The following FZD3 variants were observed in gnomAD, a reference collection of about 807,000 sequenced individuals.
FZD3 encodes frizzled class receptor 3.
Under a neutral mutation model 60.7 loss-of-function variants are expected in FZD3, and 30 were observed. That is an observed-to-expected ratio of 0.49 (90% CI 0.37 to 0.67). The LOEUF (loss-of-function observed/expected upper bound fraction) is 0.67. Among genes scored for constraint, FZD3 ranks in the 30% least tolerant of loss-of-function variants. The pLI is 0.00. For missense variants in FZD3, 605 were observed against 838.7 expected (o/e 0.72, Z 3.44); for synonymous variants, 246 against 275.2 (o/e 0.89, Z 1.05).
rs386412443 is a variant in FZD3, at chr8:28,550,481, C to CTTTTTTTT, written c.1405-1104_1405-1097dup. On this transcript the variant is annotated intron_variant, in intron 5 of 7. Transcript: ENST00000240093. Reference sequence around the variant, plus strand: ...ACAAATACTTTATTTCTTCTTTTATCTTTTTTTTTTTTTTTTTTTTTTTTT... The same window carrying CTTTTTTTT: ...ACAAATACTTTATTTCTTCTTTTATCTTTTTTTTTTTTTTTTTTTTTTTTTTTTTTTTT... Among the ~76,000 whole-genome samples, 121 of 34,308 alleles carry CTTTTTTTT rather than the reference C, an allele frequency of 3.5e-3. 1 individual carries two copies. The highest frequency in any genetic ancestry group is 3.7e-3 in the African/African-American group (28 of 7,524). 22.5% of individuals were successfully genotyped at this position (34,308 alleles called of 152,430 possible). A position where few individuals can be genotyped will look rare whatever the true frequency, so the allele number is the denominator to read the frequency against.
Position 28,555,883 on chromosome 8 carries a change from A to C in FZD3, c.1699A>C (p.Met567Leu). Residue 567 changes from methionine to leucine, a missense_variant, in exon 7 of 8, where the codon ATG (methionine) becomes CTG (leucine). Physicochemically the swap from Met to Leu is conservative, Grantham distance 15. Transcript: ENST00000240093. ...STHASSTQLA[M>L]VDDQRSKAGS... ...CCATGCTTCTTCAACTCAGCTGGCT[A>C]TGGTGGATGATCAAAGAAGCAAAGC... 1 of 1,614,074 alleles carries C rather than the reference A, an allele frequency of 6.2e-7. No individual in the cohort carries two copies. The highest frequency in any genetic ancestry group is 8.5e-7 in the Non-Finnish European group (1 of 1,179,906).
At chr8:28,543,860 G>A (rs566753878) in intron 5 of FZD3, among the ~76,000 whole-genome samples, 10 of 152,154 alleles carry the variant, frequency 6.6e-5, no homozygotes, top group African/African-American at 2.4e-4. Context: ...CAGCTTAATA[G>A]GCTCATAGGC....
At chr8:28,519,301 A>T (rs1235054849) in intron 3 of FZD3, among the ~76,000 whole-genome samples, 1 of 152,104 alleles carries the variant, frequency 6.6e-6, no homozygotes, top group African/African-American at 2.4e-5. Flanking sequence ...TCCTTGGGAT[A>T]TTTTATCTAT....
chr8:28,520,915 T>C, intron 4 of FZD3, 81 bp downstream of exon 4: 1 of 1,004,430 alleles, frequency 1.0e-6, no homozygotes, highest in Non-Finnish European at 1.4e-6. Context: ...TCCATCTGTT[T>C]TAAAAAACTT....
chr8:28,503,875 C>T (rs1386053496), intron 3 of FZD3, among the ~76,000 whole-genome samples: 1 of 152,130 alleles, frequency 6.6e-6, no homozygotes, highest in African/African-American at 2.4e-5. Flanking sequence ...AACTTTCTCA[C>T]CATAGTTTCT....
intron 1 of FZD3, among the ~76,000 whole-genome samples, chr8:28,495,585 T>A (rs1803823581): frequency 6.6e-6 from 1 of 152,182 alleles, no homozygotes; most frequent in Non-Finnish European, 1.5e-5. Context: ...CATTCCTGCA[T>A]TTTAGTCTGG....
intron 6 of FZD3, among the ~76,000 whole-genome samples, chr8:28,555,168 C>T (rs996662955): frequency 4.6e-5 from 7 of 152,052 alleles, no homozygotes; most frequent in African/African-American, 1.7e-4. Flanking sequence ...TATGACTGCT[C>T]ATGTTTATTC....
At chr8:28,556,003 TAAGCTG>T in intron 7 of FZD3, 32 bp downstream of exon 7, 1 of 1,333,038 alleles carries the variant, frequency 7.5e-7, no homozygotes. Flanking sequence ...GTTTATTTCA[TAAGCTG>T]AATTATGACC....
chr8:28,527,168 A>T lies in FZD3; in HGVS notation c.408A>T (p.Pro136=). ...TTAGGTTCCCAGATTGTGATGAGCCATATCCTCGACTTGTGGATCTGAATT... is the reference window on the plus strand; with the variant it reads ...TTAGGTTCCCAGATTGTGATGAGCCTTATCCTCGACTTGTGGATCTGAATT... ...ECSRFPDCDE[P]YPRLVDLNLA... The change falls in exon 5 of 8, where the codon CCA becomes CCT. Residue 136 remains proline, a synonymous_variant. Coordinates refer to ENST00000240093, the MANE Select transcript of FZD3 (RefSeq NM_017412.4). This position sits in a 1 kb window ranked among gnomAD's most constrained non-coding sequence, Gnocchi z 5.0. 6.2e-7 allele frequency: 1 copy of T among 1,612,170 alleles called. No individual in the cohort carries two copies. Among genetic ancestry groups the T allele is most frequent in the Non-Finnish European group, 8.5e-7 (1 of 1,179,426 alleles).
intron 3 of FZD3, among the ~76,000 whole-genome samples, chr8:28,513,270 T>G (rs1804336224): frequency 6.6e-6 from 1 of 152,204 alleles, no homozygotes; most frequent in South Asian, 2.1e-4. Flanking sequence ...AAGCTTTATC[T>G]TTTGAGACTT....
rs144227424 is a variant in FZD3 at position 28,508,772 on chromosome 8, G to A, written c.189+5570G>A. 4.9e-3 allele frequency among the ~76,000 whole-genome samples: 738 copies of A among 152,156 alleles called. 4 individuals carry two copies. Among genetic ancestry groups the A allele is most frequent in the Middle Eastern group, 0.014 (4 of 292 alleles). ...ACTTTTGTTCTCAAGCGATCCACCT[G>A]CCTTGGCCTACCAAAGTGCTGGAAT... is the stretch of plus-strand genomic sequence containing the variant. On this transcript the variant is annotated intron_variant, in intron 3 of 7. Coordinates refer to ENST00000240093, the MANE Select transcript of FZD3 (RefSeq NM_017412.4).
chr8:28,518,338 G>A (rs1324264682), intron 3 of FZD3, among the ~76,000 whole-genome samples: 2 of 151,796 alleles, frequency 1.3e-5, no homozygotes, highest in African/African-American at 2.4e-5. Flanking sequence ...GATTACAGCC[G>A]TGAGCCATTG....
intron 5 of FZD3, among the ~76,000 whole-genome samples, chr8:28,533,203 CT>C (rs1021047131): frequency 2.0e-5 from 3 of 147,672 alleles, no homozygotes; most frequent in Non-Finnish European, 1.5e-5. Flanking sequence ...AAGGATTTTT[CT>C]TTTTTTTTTC....
chr8:28,562,514 A>AT (rs1159727642), intron 7 of FZD3, among the ~76,000 whole-genome samples: 3 of 152,184 alleles, frequency 2.0e-5, no homozygotes, highest in Non-Finnish European at 2.9e-5. Flanking sequence ...AAAGGTATCC[A>AT]TATCGAGTGC....
chr8:28,520,000 G>A (rs548986076), intron 3 of FZD3, among the ~76,000 whole-genome samples: 56 of 151,880 alleles, frequency 3.7e-4, no homozygotes, highest in East Asian at 2.5e-3. Context: ...ACTTGAGGTC[G>A]GGAGTTTGAG....
intron 7 of FZD3, among the ~76,000 whole-genome samples, chr8:28,561,456 G>C (rs932132187): frequency 1.3e-5 from 2 of 152,078 alleles, no homozygotes; most frequent in African/African-American, 4.8e-5. Flanking sequence ...TGTGGTGTAT[G>C]AATCTATCTT....
At chr8:28,540,360 G>A (rs2130427573) in intron 5 of FZD3, among the ~76,000 whole-genome samples, 1 of 152,154 alleles carries the variant, frequency 6.6e-6, no homozygotes, top group Non-Finnish European at 1.5e-5. Flanking sequence ...CTTCCGAGTA[G>A]CTGGGATTAC....
rs781606805 is a variant in FZD3 at position 28,551,767 on chromosome 8, T to A, written c.1553+16T>A. On this transcript the variant is annotated intron_variant, in intron 6 of 7. Coordinates refer to ENST00000240093, the MANE Select transcript of FZD3 (RefSeq NM_017412.4). ...GGAAAAAAGAGTAAGTTGAAATAAA[T>A]GATCACAGTGTTCACAAACCTCACA... The A allele has an allele frequency of 1.9e-6, 3 of 1,590,718 alleles. No homozygotes were observed. The African/African-American group carries it at 4.1e-5, about 22-fold the overall frequency.
At position 28,568,543 on chromosome 8, in the gene FZD3, A is replaced by G. The variant is rs887008863; in HGVS notation, c.*5532A>G. Reference sequence around the variant, plus strand: ...TCTCTCAGGATCCAAGTCTTCTAAGAATGAAAATGTTGAAGTCTACCCAGA... The same window carrying G: ...TCTCTCAGGATCCAAGTCTTCTAAGGATGAAAATGTTGAAGTCTACCCAGA... On this transcript the variant is annotated 3_prime_UTR_variant, in exon 8 of 8. Coordinates refer to ENST00000240093, the MANE Select transcript of FZD3 (RefSeq NM_017412.4). 3.3e-5 allele frequency: 5 copies of G among 152,124 alleles called. No individual in the cohort carries two copies. The highest frequency in any genetic ancestry group is 7.4e-5 in the Non-Finnish European group (5 of 67,980). 9.4% of individuals were successfully genotyped at this position (152,124 alleles called of 1,614,324 possible).
Sources: gnomAD v4.1 joint callset for allele counts (sites outside exome capture counted in the v4.1 genomes callset) on GRCh38, gnomAD v4.1.1 for gene constraint, Gnocchi (gnomAD v3.1) non-coding constraint, MANE v1.5 for transcripts, NCBI Gene and HGNC (gene_info 2026-07-23, HGNC 2026-07-21) for gene names.